BCAS3: variants seen among roughly 807,000 people sequenced by gnomAD.
BCAS3 encodes the protein BCAS4/BCAS3 fusion.
Under a neutral mutation model 116.1 loss-of-function variants are expected in BCAS3, and 53 were observed. That is an observed-to-expected ratio of 0.46 (90% confidence interval 0.37 to 0.57). The LOEUF (loss-of-function observed/expected upper bound fraction) is 0.57, where lower values mean the gene tolerates loss of function less well. Among genes scored for constraint, BCAS3 ranks in the 20% least tolerant of loss-of-function variants. The probability of loss-of-function intolerance (pLI) is 0.00; values close to 1 mark genes in which losing one functional copy is unlikely to be tolerated. For missense variants in BCAS3, 917 were observed against 1,165.4 expected (o/e 0.79, Z 3.10); for synonymous variants, 391 against 408.2 (o/e 0.96, Z 0.51).
In BCAS3 at chr17:61,376,166, AC is replaced by A. The variant is rs776018754; in HGVS notation, c.2593+7673del. ...GTTGCCCCAGAAAGCTGGAGAAGTGACATTTACATGTGTTATGTGGGCCTCT... is the reference window on the plus strand; with the variant it reads ...GTTGCCCCAGAAAGCTGGAGAAGTGAATTTACATGTGTTATGTGGGCCTCT... On this transcript the variant is annotated intron_variant, in intron 23 of 23. Transcript: ENST00000407086. The surrounding 1 kb of genome is among the most constrained non-coding windows in gnomAD (Gnocchi z 4.5). Among the ~76,000 whole-genome samples, 5 of 152,174 alleles carry A rather than the reference AC, an allele frequency of 3.3e-5. No homozygotes were observed. The highest frequency in any genetic ancestry group is 7.3e-5 in the Non-Finnish European group (5 of 68,030).
chr17:60,695,087 C>A (rs2035403162), intron 4 of BCAS3, among the ~76,000 whole-genome samples: 1 of 150,842 alleles, frequency 6.6e-6, no homozygotes, highest in Non-Finnish European at 1.5e-5. Context: ...CTTTTTAAGG[C>A]TGAATCATGC....
chr17:61,162,442 T>C lies in BCAS3; in HGVS notation c.2425+77878T>C, dbSNP rs200321649. Among the ~76,000 whole-genome samples the C allele has an allele frequency of 1.3e-5, 2 of 152,184 alleles. No homozygotes were observed. Among genetic ancestry groups the C allele is most frequent in the South Asian group, 2.1e-4 (1 of 4,832 alleles). On this transcript the variant is annotated intron_variant, in intron 22 of 23. Transcript: ENST00000407086. This position sits in a 1 kb window ranked among gnomAD's most constrained non-coding sequence, Gnocchi z 5.6. ...CAAGAATATTCTCACACCATAGATATAGAGAAAGGACAGGTATATACATCG... is the reference window on the plus strand; with the variant it reads ...CAAGAATATTCTCACACCATAGATACAGAGAAAGGACAGGTATATACATCG...
rs1475055265 is a variant in BCAS3, at chr17:61,217,785, T to TC, written c.2425+133225dup. On this transcript the variant is annotated intron_variant, in intron 22 of 23. Transcript: ENST00000407086. This position sits in a 1 kb window ranked among gnomAD's most constrained non-coding sequence, Gnocchi z 5.2. ...TGCTTCTACTCCTCTAAGCCTTTTT[T>TC]CCCCTCCCTTATTAAAAGTAATTTT... is the stretch of plus-strand genomic sequence containing the variant. Among the ~76,000 whole-genome samples, 1 of 152,146 alleles carries TC rather than the reference T, an allele frequency of 6.6e-6. No individual in the cohort carries two copies. The highest frequency in any genetic ancestry group is 1.5e-5 in the Non-Finnish European group (1 of 68,024).
At chr17:60,758,460 C>G (rs1289205647) in intron 6 of BCAS3, among the ~76,000 whole-genome samples, 4 of 152,120 alleles carry the variant, frequency 2.6e-5, no homozygotes. Context: ...TGGCTCACTG[C>G]AGCCTCCGCC....
chr17:60,715,132 CT>C (rs200488032), intron 5 of BCAS3, among the ~76,000 whole-genome samples: 6,401 of 125,280 alleles, frequency 0.051, 282 homozygotes, highest in African/African-American at 0.19. Context: ...CTTTCTCTTT[CT>C]TTTTTTTTTT....
intron 7 of BCAS3, among the ~76,000 whole-genome samples, chr17:60,835,065 G>A (rs538701333): frequency 1.6e-4 from 24 of 151,714 alleles, no homozygotes; most frequent in African/African-American, 5.8e-4. Context: ...GTATTCCTCT[G>A]CCAGCAGTTT....
rs2048990895 is a variant in BCAS3, at chr17:61,258,920, G to A, written c.2426-109407G>A. 6.6e-6 allele frequency among the ~76,000 whole-genome samples: 1 copy of A among 152,208 alleles called. No homozygotes were observed. The highest frequency in any genetic ancestry group is 2.1e-4 in the South Asian group (1 of 4,828). On this transcript the variant is annotated intron_variant, in intron 22 of 23. Coordinates refer to ENST00000407086, the MANE Select transcript of BCAS3 (RefSeq NM_017679.5). This position sits in a 1 kb window ranked among gnomAD's most constrained non-coding sequence, Gnocchi z 4.7. ...TTTATTAATCCATTCTAAACTGACA[G>A]ATGTTGCAGTGAGCTTTGAGCTCTT...
At chr17:61,383,693 C>T (rs1043321365) in intron 23 of BCAS3, 1 of 152,274 alleles carries the variant, frequency 6.6e-6, no homozygotes, top group South Asian at 2.1e-4. Flanking sequence ...GAGGAACGCG[C>T]GTCTGCCTGT....
intron 19 of BCAS3, among the ~76,000 whole-genome samples, chr17:61,071,674 A>T (rs952788388): frequency 1.3e-5 from 2 of 152,234 alleles, no homozygotes; most frequent in Non-Finnish European, 2.9e-5. Flanking sequence ...AACTGTATAG[A>T]GAATCCAATA....
chr17:61,045,014 G>A (rs552028680), intron 19 of BCAS3, among the ~76,000 whole-genome samples: 1 of 152,014 alleles, frequency 6.6e-6, no homozygotes, highest in African/African-American at 2.4e-5. Flanking sequence ...CCCCGTCTCT[G>A]CCTCCCAAAG....
At chr17:60,927,504 C>T (rs995862630) in intron 13 of BCAS3, among the ~76,000 whole-genome samples, 1 of 152,126 alleles carries the variant, frequency 6.6e-6, no homozygotes, top group African/African-American at 2.4e-5. Flanking sequence ...ATCCACTTGC[C>T]TCGGTCTCCC....
chr17:60,990,369 T>A lies in BCAS3; in HGVS notation c.1486+134T>A. The A allele has an allele frequency of 1.1e-6, 1 of 930,942 alleles. No individual in the cohort carries two copies. The highest frequency in any genetic ancestry group is 1.5e-6 in the Non-Finnish European group (1 of 649,240). The allele number at this position is 930,942 out of a possible 1,614,324, so 57.7% of individuals were successfully genotyped here. A position where few individuals can be genotyped will look rare whatever the true frequency, so the allele number is the denominator to read the frequency against. ...AGATCTTAGGCTTATATGAAATTCTTAATTATTAAATAATTTAATAAATTG... is the reference window on the plus strand; with the variant it reads ...AGATCTTAGGCTTATATGAAATTCTAAATTATTAAATAATTTAATAAATTG... On this transcript the variant is annotated intron_variant, in intron 15 of 23. Transcript: ENST00000407086. The surrounding 1 kb of genome is among the most constrained non-coding windows in gnomAD (Gnocchi z 5.1).
rs1196704310 is a variant in BCAS3, at chr17:60,760,495, TTG to T, written c.403+13218_403+13219del. Reference sequence around the variant, plus strand: ...TAGTATCCTTGGGTGACAGGTTTTTTTGTTTTTTTTTTTTTAAATTTTAGCAC... The same window carrying T: ...TAGTATCCTTGGGTGACAGGTTTTTTTTTTTTTTTTTTTAAATTTTAGCAC... On this transcript the variant is annotated intron_variant, in intron 6 of 23. Coordinates refer to ENST00000407086, the MANE Select transcript of BCAS3 (RefSeq NM_017679.5). Among the ~76,000 whole-genome samples, 51 of 94,272 alleles carry T rather than the reference TTG, an allele frequency of 5.4e-4. 1 individual carries two copies. In the African/African-American group the frequency reaches 0.012, roughly 23 times the overall value. 61.8% of individuals were successfully genotyped at this position (94,272 alleles called of 152,430 possible).
At position 61,251,460 on chromosome 17, in the gene BCAS3, C is replaced by T. The variant is rs945689171; in HGVS notation, c.2426-116867C>T. On this transcript the variant is annotated intron_variant, in intron 22 of 23. Coordinates refer to ENST00000407086, the MANE Select transcript of BCAS3 (RefSeq NM_017679.5). This position sits in a 1 kb window ranked among gnomAD's most constrained non-coding sequence, Gnocchi z 4.7. Reference sequence around the variant, plus strand: ...TGGCGGGCGCCTATAATCCCAACTACTAGGGAGGCTGAGGCAGGAGAATCA... The same window carrying T: ...TGGCGGGCGCCTATAATCCCAACTATTAGGGAGGCTGAGGCAGGAGAATCA... Among the ~76,000 whole-genome samples the T allele has an allele frequency of 8.6e-5, 13 of 151,880 alleles. No homozygotes were observed. Among genetic ancestry groups the T allele is most frequent in the Admixed American group, 7.9e-4 (12 of 15,248 alleles).
At chr17:61,039,221 T>G (rs567092795) in intron 18 of BCAS3, among the ~76,000 whole-genome samples, 1 of 152,354 alleles carries the variant, frequency 6.6e-6, no homozygotes, top group East Asian at 1.9e-4. Context: ...TGTGTCTGGC[T>G]TCTTTCACTT....
Position 61,388,809 on chromosome 17 carries a change from A to C in BCAS3, c.2594-3168A>C, listed in dbSNP as rs954135185. 11 of 1,124,080 alleles carry C rather than the reference A, an allele frequency of 9.8e-6. No homozygotes were observed. The highest frequency in any genetic ancestry group is 9.4e-5 in the Admixed American group (4 of 42,460). 69.6% of individuals were successfully genotyped at this position (1,124,080 alleles called of 1,614,324 possible). On this transcript the variant is annotated intron_variant, in intron 23 of 23. Coordinates refer to ENST00000407086, the MANE Select transcript of BCAS3 (RefSeq NM_017679.5). The surrounding 1 kb of genome is among the most constrained non-coding windows in gnomAD (Gnocchi z 6.5). The stretch of plus-strand genomic sequence containing the variant: ...GCAGCCCTCCTCCCCTCCACTTCCC[A>C]CACACACCCCTGCCTGCAGGGGGAG...
chr17:61,388,795 C>A lies in BCAS3; in HGVS notation c.2594-3182C>A. 1 of 1,235,498 alleles carries A rather than the reference C, an allele frequency of 8.1e-7. No individual in the cohort carries two copies. Among genetic ancestry groups the A allele is most frequent in the Non-Finnish European group, 1.1e-6 (1 of 885,202 alleles). The allele number at this position is 1,235,498 out of a possible 1,614,324, so 76.5% of individuals were successfully genotyped here. On this transcript the variant is annotated intron_variant, in intron 23 of 23. Transcript: ENST00000407086. The surrounding 1 kb of genome is among the most constrained non-coding windows in gnomAD (Gnocchi z 6.5). Reference sequence around the variant, plus strand: ...AGGGGGGAATCTGAGCAGCCCTCCTCCCCTCCACTTCCCACACACACCCCT... The same window carrying A: ...AGGGGGGAATCTGAGCAGCCCTCCTACCCTCCACTTCCCACACACACCCCT...
intron 7 of BCAS3, among the ~76,000 whole-genome samples, chr17:60,833,456 G>A (rs1435131695): frequency 2.0e-5 from 3 of 152,176 alleles, no homozygotes; most frequent in Non-Finnish European, 2.9e-5. Context: ...GAATTGTAGT[G>A]AAATCCCAAA....
At position 61,007,260 on chromosome 17, in the gene BCAS3, G is replaced by A. The variant is rs2064780937; in HGVS notation, c.1487-8491G>A. On this transcript the variant is annotated intron_variant, in intron 15 of 23. Transcript: ENST00000407086. The surrounding 1 kb of genome is among the most constrained non-coding windows in gnomAD (Gnocchi z 4.3). ...TCATCTCCTTTTCTAGGGAATTTTT[G>A]CCTCCTAAGTTTTCAATATTCCTTG... 6.6e-6 allele frequency among the ~76,000 whole-genome samples: 1 copy of A among 151,636 alleles called. No homozygotes were observed. The highest frequency in any genetic ancestry group is 2.1e-4 in the South Asian group (1 of 4,814).
Sources: allele counts gnomAD v4.1 joint callset (sites outside exome capture counted in the v4.1 genomes callset), GRCh38; gene constraint gnomAD v4.1.1; non-coding constraint Gnocchi (gnomAD v3.1); transcripts MANE v1.5; gene names NCBI Gene and HGNC (gene_info 2026-07-23, HGNC 2026-07-21).